The following CDH4 variants were observed in gnomAD, a reference collection of about 807,000 sequenced individuals.
The protein encoded by CDH4 is cadherin-4.
Under a neutral mutation model 86.0 loss-of-function variants are expected in CDH4, and 33 were observed. The observed-to-expected ratio is 0.38, with a 90% CI of 0.29 to 0.51. The LOEUF is 0.51. CDH4 is among the 20% of genes least tolerant of loss of function. The pLI is 0.86. For missense variants in CDH4, 1,114 were observed against 1,307.4 expected, an observed-to-expected ratio of 0.85 and a Z score of 2.28; for synonymous variants, 555 against 549.4, an observed-to-expected ratio of 1.01 and a Z score of -0.14.
chr20:61,686,285 G>A (rs1471506220), intron 2 of CDH4, among the ~76,000 whole-genome samples: 1 of 152,268 alleles, frequency 6.6e-6, no homozygotes, highest in African/African-American at 2.4e-5. Context: ...GTGGCTGGGA[G>A]GCCTGCCTGT....
chr20:61,348,600 C>T (rs968473300), intron 2 of CDH4, among the ~76,000 whole-genome samples: 42 of 152,214 alleles, frequency 2.8e-4, no homozygotes, highest in African/African-American at 7.7e-4. Flanking sequence ...CTTTCACTTC[C>T]GGTGTTTAAA....
chr20:61,428,858 G>A (rs1274686993), intron 2 of CDH4, among the ~76,000 whole-genome samples: 6 of 152,264 alleles, frequency 3.9e-5, no homozygotes, highest in Middle Eastern at 3.4e-3. Flanking sequence ...GAGAGCAGGC[G>A]AGCTTTCCAG....
chr20:61,710,518 T>C (rs756049675), intron 2 of CDH4, among the ~76,000 whole-genome samples: 1 of 152,194 alleles, frequency 6.6e-6, no homozygotes, highest in African/African-American at 2.4e-5. Flanking sequence ...ACCAGCTGCA[T>C]CACCATTGAT....
intron 2 of CDH4, among the ~76,000 whole-genome samples, chr20:61,279,178 T>C (rs2084245488): frequency 6.6e-6 from 1 of 152,318 alleles, no homozygotes; most frequent in East Asian, 1.9e-4. Context: ...TAAATGAGCA[T>C]CTGGGAACAT....
chr20:61,695,575 C>T (rs1265546359), intron 2 of CDH4, among the ~76,000 whole-genome samples: 3 of 152,132 alleles, frequency 2.0e-5, no homozygotes, highest in Non-Finnish European at 2.9e-5. Context: ...GCCATCAGCT[C>T]GGGACCTTGT....
chr20:61,253,056 C>G (rs1456931594), intron 1 of CDH4, among the ~76,000 whole-genome samples: 1 of 151,616 alleles, frequency 6.6e-6, no homozygotes, highest in Non-Finnish European at 1.5e-5. Context: ...TGCCCGACCT[C>G]TCCTGCCCAA....
At chr20:61,933,465 C>T (rs1168770671) in intron 14 of CDH4, among the ~76,000 whole-genome samples, 3 of 152,188 alleles carry the variant, frequency 2.0e-5, no homozygotes, top group Non-Finnish European at 2.9e-5. Flanking sequence ...AGAGGGCTGT[C>T]GACTGACCAG....
rs573770971 is a variant in CDH4 at position 61,883,712 on chromosome 20, G to A, written c.1050+9812G>A. 2.0e-5 allele frequency among the ~76,000 whole-genome samples: 3 copies of A among 152,292 alleles called. No individual in the cohort carries two copies. The South Asian group carries it at 6.2e-4, about 32-fold the overall frequency. On this transcript the variant is annotated intron_variant, in intron 7 of 15. Transcript: ENST00000614565. ...GTTCTCCTCTATGACCCAGGGGTGG[G>A]GGGCCAAGAGAGGCCCCAGGGAGGA... is the stretch of plus-strand genomic sequence containing the variant.
intron 2 of CDH4, among the ~76,000 whole-genome samples, chr20:61,318,438 T>TC (rs1000609047): frequency 2.6e-5 from 4 of 151,830 alleles, no homozygotes; most frequent in Non-Finnish European, 5.9e-5. Flanking sequence ...GAACTGACGT[T>TC]CTTTTTTTTT....
At chr20:61,275,038 ACAGTTTGGGGGAGTACCGTGTG>A (rs1568777397) in intron 2 of CDH4, among the ~76,000 whole-genome samples, 2 of 67,266 alleles carry the variant, frequency 3.0e-5, no homozygotes, top group African/African-American at 1.2e-4. Context: ...AGCACCATGC[ACAGTTTGGGGGAGTACCGTGTG>A]CAGTTTGGGG....
rs536529630 is a variant in CDH4, at chr20:61,703,412, G to A, written c.170-40151G>A. 6.6e-6 allele frequency among the ~76,000 whole-genome samples: 1 copy of A among 152,312 alleles called. No homozygotes were observed. Among genetic ancestry groups the A allele is most frequent in the African/African-American group, 2.4e-5 (1 of 41,562 alleles). Reference sequence around the variant, plus strand: ...GTGAATGGAGACACTGGCAGCAGGGGCATTTCATAAGGAGGGGACAGTGTG... The same window carrying A: ...GTGAATGGAGACACTGGCAGCAGGGACATTTCATAAGGAGGGGACAGTGTG... On this transcript the variant is annotated intron_variant, in intron 2 of 15. Coordinates refer to ENST00000614565, the MANE Select transcript of CDH4 (RefSeq NM_001794.5). This position sits in a 1 kb window ranked among gnomAD's most constrained non-coding sequence, Gnocchi z 4.3.
intron 2 of CDH4, among the ~76,000 whole-genome samples, chr20:61,469,682 C>T (rs1335825715): frequency 6.6e-6 from 1 of 152,220 alleles, no homozygotes; most frequent in East Asian, 1.9e-4. Context: ...TTAATAATTT[C>T]ATGGTTTGAG....
At chr20:61,616,744 G>C (rs1014967037) in intron 2 of CDH4, among the ~76,000 whole-genome samples, 5 of 152,230 alleles carry the variant, frequency 3.3e-5, no homozygotes, top group Admixed American at 2.6e-4. Flanking sequence ...GTCATAGCCA[G>C]GTGGGTCCTT....
At position 61,885,714 on chromosome 20, in the gene CDH4, G is replaced by A. The variant is rs1053252267; in HGVS notation, c.1051-9196G>A. 1.5e-4 allele frequency among the ~76,000 whole-genome samples: 23 copies of A among 152,312 alleles called. No individual in the cohort carries two copies. The South Asian group carries it at 3.1e-3, about 21-fold the overall frequency. ...GTGAGGACCCGCCAGCCTGTTTTCC[G>A]TGGTGCCTGCACTCCCTCCTCCCAC... On this transcript the variant is annotated intron_variant, in intron 7 of 15. Transcript: ENST00000614565.
chr20:61,492,518 C>A (rs527874950), intron 2 of CDH4, among the ~76,000 whole-genome samples: 4 of 152,034 alleles, frequency 2.6e-5, no homozygotes, highest in East Asian at 1.9e-4. Context: ...ATGTTGATGG[C>A]GGTACTGATG....
chr20:61,910,338 G>C (rs3765600), intron 8 of CDH4, 84 bp from the exon 9 acceptor site: 2 of 1,210,754 alleles, frequency 1.7e-6, no homozygotes, highest in African/African-American at 3.2e-5. Context: ...AACACTCGTT[G>C]AGCTGCACAT....
At chr20:61,856,171 T>G (rs1265301218) in intron 6 of CDH4, among the ~76,000 whole-genome samples, 1 of 152,188 alleles carries the variant, frequency 6.6e-6, no homozygotes, top group Non-Finnish European at 1.5e-5. Context: ...AAGGAAAAAC[T>G]ACCGCCAGAA....
chr20:61,410,224 A>G (rs1436691734), intron 2 of CDH4, among the ~76,000 whole-genome samples: 1 of 152,130 alleles, frequency 6.6e-6, no homozygotes, highest in Non-Finnish European at 1.5e-5. Flanking sequence ...CCATCTACCC[A>G]TCTGCCCACC....
At chr20:61,799,600 C>A (rs1979725111) in intron 4 of CDH4, among the ~76,000 whole-genome samples, 1 of 152,142 alleles carries the variant, frequency 6.6e-6, no homozygotes, top group African/African-American at 2.4e-5. Context: ...CTGGGCTGCT[C>A]CTCCCCACCA....
Sources: allele counts gnomAD v4.1 joint callset (sites outside exome capture counted in the v4.1 genomes callset), GRCh38; gene constraint gnomAD v4.1.1; non-coding constraint Gnocchi (gnomAD v3.1); transcripts MANE v1.5; gene names NCBI Gene and HGNC (gene_info 2026-07-23, HGNC 2026-07-21).